The following CCSER1 variants were observed in gnomAD, a reference collection of about 807,000 sequenced individuals.
CCSER1 encodes serine-rich coiled-coil domain-containing protein 1.
A neutral mutation model predicts 82.0 loss-of-function variants in CCSER1; 41 were observed. The ratio of observed to expected loss-of-function variants is 0.50; its 90% CI spans 0.39 to 0.65. The LOEUF (loss-of-function observed/expected upper bound fraction) is 0.65, where lower values mean the gene tolerates loss of function less well. Among genes scored for constraint, CCSER1 ranks in the 30% least tolerant of loss-of-function variants. The probability of loss-of-function intolerance (pLI) is 0.00; values close to 1 mark genes in which losing one functional copy is unlikely to be tolerated. For missense variants in CCSER1, 1,119 were observed against 1,064.2 expected (o/e 1.05, Z -0.72); for synonymous variants, 414 against 383.9 (o/e 1.08, Z -0.92).
intron 5 of CCSER1, among the ~76,000 whole-genome samples, chr4:90,580,228 T>G (rs1221936730): frequency 6.6e-6 from 1 of 152,118 alleles, no homozygotes; most frequent in Non-Finnish European, 1.5e-5. Flanking sequence ...AATTAACAAA[T>G]TATTTCCAAA....
intron 1 of CCSER1, among the ~76,000 whole-genome samples, chr4:90,281,574 G>A (rs972342700): frequency 2.0e-5 from 3 of 151,892 alleles, no homozygotes; most frequent in African/African-American, 7.2e-5. Context: ...GCCTGTCCAG[G>A]CCCAGGTGAC....
At chr4:90,168,098 A>C (rs1276093285) in intron 1 of CCSER1, among the ~76,000 whole-genome samples, 3 of 152,196 alleles carry the variant, frequency 2.0e-5, no homozygotes, top group African/African-American at 4.8e-5. Flanking sequence ...CCAAAAGTGT[A>C]AAAGTGTTCC....
At chr4:90,730,643 G>A (rs1465638246) in intron 7 of CCSER1, among the ~76,000 whole-genome samples, 2 of 152,054 alleles carry the variant, frequency 1.3e-5, no homozygotes, top group Admixed American at 6.5e-5. Context: ...AGGATAGAAA[G>A]TGGCACTGGA....
At chr4:91,370,994 T>A (rs978071271) in intron 10 of CCSER1, among the ~76,000 whole-genome samples, 1 of 152,070 alleles carries the variant, frequency 6.6e-6, no homozygotes, top group African/African-American at 2.4e-5. Flanking sequence ...CCTGAGTAGC[T>A]GGGATTACAG....
chr4:90,739,468 G>C (rs1300082151), intron 7 of CCSER1, among the ~76,000 whole-genome samples: 3 of 152,180 alleles, frequency 2.0e-5, no homozygotes, highest in African/African-American at 7.2e-5. Context: ...GGCTGCCCCA[G>C]CTTGTGTCTC....
intron 10 of CCSER1, among the ~76,000 whole-genome samples, chr4:91,507,464 T>C (rs1301242855): frequency 6.6e-6 from 1 of 152,100 alleles, no homozygotes; most frequent in Non-Finnish European, 1.5e-5. Context: ...AGTATCGCTC[T>C]GTTGCCCTGG....
chr4:91,594,008 T>A (rs1764400275), intron 10 of CCSER1, among the ~76,000 whole-genome samples: 2 of 152,182 alleles, frequency 1.3e-5, no homozygotes, highest in Admixed American at 1.3e-4. Flanking sequence ...CACAGTCGAC[T>A]GATTAATCAC....
At chr4:90,957,534 ATATAT>A (rs1733607851) in intron 9 of CCSER1, among the ~76,000 whole-genome samples, 1 of 123,006 alleles carries the variant, frequency 8.1e-6, no homozygotes, top group Non-Finnish European at 1.6e-5. Flanking sequence ...CATATATTAT[ATATAT>A]TATATAATTA....
chr4:91,320,793 G>T (rs1167127223), intron 10 of CCSER1, among the ~76,000 whole-genome samples: 1 of 151,908 alleles, frequency 6.6e-6, no homozygotes. Flanking sequence ...TCTTATCTCT[G>T]GTTCATCTTT....
chr4:90,470,795 T>C (rs1012515721), intron 5 of CCSER1, among the ~76,000 whole-genome samples: 6 of 144,112 alleles, frequency 4.2e-5, no homozygotes, highest in African/African-American at 1.6e-4. Context: ...AACACCCAGA[T>C]TTGAGTGTCA....
In CCSER1 at chr4:91,454,117, C is replaced by T. The variant is rs377642952; in HGVS notation, c.2218-144455C>T. Among the ~76,000 whole-genome samples, 73 of 152,166 alleles carry T rather than the reference C, an allele frequency of 4.8e-4. 1 individual carries two copies. The highest frequency in any genetic ancestry group is 2.9e-3 in the South Asian group (14 of 4,824). ...ATGGAACTATTTTTAATAGTGTTTGCATTGGTTTTCTATGGCTGTTGTAAA... is the reference window on the plus strand; with the variant it reads ...ATGGAACTATTTTTAATAGTGTTTGTATTGGTTTTCTATGGCTGTTGTAAA... On this transcript the variant is annotated intron_variant, in intron 10 of 10. Coordinates refer to ENST00000509176, the MANE Select transcript of CCSER1 (RefSeq NM_001145065.2).
intron 9 of CCSER1, among the ~76,000 whole-genome samples, chr4:90,938,237 G>C (rs1731193140): frequency 6.6e-6 from 1 of 151,984 alleles, no homozygotes; most frequent in Admixed American, 6.6e-5. Context: ...TGTTTATTTA[G>C]TACTTTGGAT....
At chr4:90,445,068 T>C (rs539876997) in intron 4 of CCSER1, among the ~76,000 whole-genome samples, 8 of 152,120 alleles carry the variant, frequency 5.3e-5, no homozygotes, top group Non-Finnish European at 1.5e-5. Flanking sequence ...TAGTCATTCA[T>C]GTAACTTTAT....
At chr4:90,878,578 G>A (rs1720721687) in intron 8 of CCSER1, among the ~76,000 whole-genome samples, 1 of 152,062 alleles carries the variant, frequency 6.6e-6, no homozygotes, top group Admixed American at 6.6e-5. Flanking sequence ...CAAAATGAGA[G>A]CTCCATGTTG....
At chr4:90,708,818 T>C (rs1379858381) in intron 6 of CCSER1, among the ~76,000 whole-genome samples, 2 of 152,170 alleles carry the variant, frequency 1.3e-5, no homozygotes, top group Non-Finnish European at 2.9e-5. Flanking sequence ...AATTGGTAAA[T>C]CACAACCTAT....
At chr4:91,071,125 C>T (rs1006380321) in intron 9 of CCSER1, among the ~76,000 whole-genome samples, 10 of 152,152 alleles carry the variant, frequency 6.6e-5, no homozygotes, top group African/African-American at 2.4e-4. Flanking sequence ...ATATTCCATT[C>T]ATTTTGCAAA....
intron 7 of CCSER1, among the ~76,000 whole-genome samples, chr4:90,745,313 C>T (rs1052543678): frequency 6.6e-6 from 1 of 152,132 alleles, no homozygotes; most frequent in Non-Finnish European, 1.5e-5. Flanking sequence ...TCTTCTGTCT[C>T]CCATTTTTGA....
At chr4:90,576,968 G>A (rs894440782) in intron 5 of CCSER1, among the ~76,000 whole-genome samples, 1 of 151,994 alleles carries the variant, frequency 6.6e-6, no homozygotes, top group African/African-American at 2.4e-5. Context: ...TTCCAAAATG[G>A]CTGTACCATT....
intron 1 of CCSER1, among the ~76,000 whole-genome samples, chr4:90,196,746 A>G (rs1736706201): frequency 6.6e-6 from 1 of 151,956 alleles, no homozygotes; most frequent in South Asian, 2.1e-4. Context: ...ATGAAGCATT[A>G]GAGTTTTTGA....
Sources: allele counts gnomAD v4.1 joint callset (sites outside exome capture counted in the v4.1 genomes callset), GRCh38; gene constraint gnomAD v4.1.1; transcripts MANE v1.5; gene names NCBI Gene and HGNC (gene_info 2026-07-23, HGNC 2026-07-21).